The following RXRA variants were observed in gnomAD, a reference collection of about 807,000 sequenced individuals.
RXRA encodes the protein retinoid X receptor alpha, also known as retinoic acid receptor RXR-alpha.
RXRA carries 5 observed loss-of-function variants against 44.5 expected under a neutral mutation model. That is an observed-to-expected ratio of 0.11 (90% confidence interval 0.06 to 0.24). The LOEUF is 0.24. Ranked by LOEUF, RXRA falls within the 10% of genes least tolerant of loss-of-function variation. The pLI, the probability that RXRA is intolerant of heterozygous loss-of-function variation, is 1.00. For missense variants in RXRA, 412 were observed against 646.5 expected (o/e 0.64, Z 3.93); for synonymous variants, 291 against 271.4 (o/e 1.07, Z -0.71).
chr9:134,422,014 A>G (rs969594962), intron 6 of RXRA: 52 of 1,421,320 alleles, frequency 3.7e-5, no homozygotes, highest in Non-Finnish European at 4.7e-5. Flanking sequence ...TTCCCGGAAC[A>G]CACTCCCCCC....
chr9:134,346,624 G>A (rs1466024229), intron 1 of RXRA, among the ~76,000 whole-genome samples: 3 of 152,248 alleles, frequency 2.0e-5, no homozygotes, highest in Non-Finnish European at 4.4e-5. Context: ...GCACTGCCCA[G>A]CTTCACATTA....
intron 1 of RXRA, among the ~76,000 whole-genome samples, chr9:134,337,704 G>A (rs143575522): frequency 7.9e-5 from 12 of 152,230 alleles, no homozygotes; most frequent in Non-Finnish European, 1.0e-4. Context: ...CCAATGTCTC[G>A]TCCTCACACC....
intron 1 of RXRA, among the ~76,000 whole-genome samples, chr9:134,375,973 C>G (rs567660727): frequency 1.3e-3 from 195 of 149,998 alleles, no homozygotes; most frequent in Non-Finnish European, 1.9e-3. Flanking sequence ...TGCTTCCCCC[C>G]CACCCCACCC....
intron 1 of RXRA, among the ~76,000 whole-genome samples, chr9:134,384,103 C>T (rs575215751): frequency 6.4e-4 from 97 of 151,930 alleles, no homozygotes; most frequent in African/African-American, 2.1e-3. Context: ...GGACTCTCCA[C>T]ACTGTCACCC....
chr9:134,351,760 TG>T (rs1241771600), intron 1 of RXRA, among the ~76,000 whole-genome samples: 5 of 152,254 alleles, frequency 3.3e-5, no homozygotes, highest in African/African-American at 1.2e-4. Context: ...GCTGCGAACT[TG>T]TTTTTAACCA....
intron 4 of RXRA, among the ~76,000 whole-genome samples, chr9:134,412,326 C>T (rs551796097): frequency 7.9e-5 from 12 of 152,234 alleles, no homozygotes; most frequent in African/African-American, 1.7e-4. Context: ...TCCCTCGGCC[C>T]GGTTTGTGAT....
chr9:134,334,792 G>A (rs1240151589), intron 1 of RXRA, among the ~76,000 whole-genome samples: 1 of 152,262 alleles, frequency 6.6e-6, no homozygotes, highest in Admixed American at 6.5e-5. Flanking sequence ...CCCCAGCTGA[G>A]GGGACAGGAC....
chr9:134,367,861 C>T (rs997238578), intron 1 of RXRA, among the ~76,000 whole-genome samples: 6 of 152,330 alleles, frequency 3.9e-5, no homozygotes, highest in African/African-American at 7.2e-5. Context: ...TCCTGGGCCC[C>T]GGCTCAGCCA....
intron 1 of RXRA, among the ~76,000 whole-genome samples, chr9:134,345,409 C>T (rs1480519829): frequency 6.6e-6 from 1 of 152,214 alleles, no homozygotes. Context: ...CATTGCACTT[C>T]AGGCCCTACC....
rs1020655208 is a variant in RXRA at position 134,417,635 on chromosome 9, G to T, written c.780+308G>T. ...GGCCACCTCTGCTGGGGCCTCAGCC[G>T]CCGTGTCCCCTCGGAGTTTGGCCTG... is the stretch of plus-strand genomic sequence containing the variant. On this transcript the variant is annotated intron_variant, in intron 5 of 9. Coordinates refer to ENST00000481739, the MANE Select transcript of RXRA (RefSeq NM_002957.6). The surrounding 1 kb of genome is among the most constrained non-coding windows in gnomAD (Gnocchi z 6.1). Among the ~76,000 whole-genome samples, 1 of 152,054 alleles carries T rather than the reference G, an allele frequency of 6.6e-6. No individual in the cohort carries two copies. Among genetic ancestry groups the T allele is most frequent in the East Asian group, 1.9e-4 (1 of 5,164 alleles).
chr9:134,385,644 G>C (rs928681421), intron 1 of RXRA, among the ~76,000 whole-genome samples: 5 of 152,226 alleles, frequency 3.3e-5, no homozygotes, highest in African/African-American at 4.8e-5. Flanking sequence ...TGCGCGAGCG[G>C]TGGTGGCCCC....
chr9:134,397,867 C>A (rs562148900), intron 1 of RXRA, among the ~76,000 whole-genome samples: 2 of 152,222 alleles, frequency 1.3e-5, no homozygotes, highest in African/African-American at 4.8e-5. Context: ...CGGGTTGGGT[C>A]TGAGTGTCTG....
chr9:134,379,694 G>A (rs1162084512), intron 1 of RXRA: 20 of 985,426 alleles, frequency 2.0e-5, no homozygotes, highest in Non-Finnish European at 2.4e-5. Flanking sequence ...CCAGTATGCG[G>A]ATGAGAAAAC....
At chr9:134,427,669 C>T (rs994259610) in intron 6 of RXRA, among the ~76,000 whole-genome samples, 1 of 152,142 alleles carries the variant, frequency 6.6e-6, no homozygotes, top group Non-Finnish European at 1.5e-5. Flanking sequence ...CACCTGCCCC[C>T]GGGTTCCCCA....
chr9:134,390,408 C>T (rs866776171), intron 1 of RXRA, among the ~76,000 whole-genome samples: 1 of 152,226 alleles, frequency 6.6e-6, no homozygotes, highest in Non-Finnish European at 1.5e-5. Flanking sequence ...AGTCCAAAGC[C>T]CCCAGTCTGG....
At chr9:134,424,730 T>C (rs1831405174) in intron 6 of RXRA, 1 of 985,370 alleles carries the variant, frequency 1.0e-6, no homozygotes, top group South Asian at 4.7e-5. Flanking sequence ...GGAGAGGACC[T>C]GGGTTAACTC....
At chr9:134,398,031 G>T (rs1830905002) in intron 1 of RXRA, among the ~76,000 whole-genome samples, 1 of 152,058 alleles carries the variant, frequency 6.6e-6, no homozygotes, top group African/African-American at 2.4e-5. Context: ...CCAGGCTGGA[G>T]TGCGATGGCG....
At chr9:134,432,060 T>G (rs1831541070) in intron 8 of RXRA, 64 bp downstream of exon 8, 10 of 1,289,216 alleles carry the variant, frequency 7.8e-6, no homozygotes, top group Non-Finnish European at 4.5e-6. Context: ...TGCCTGGGCC[T>G]CCTCCTGGCT....
At chr9:134,341,747 A>G (rs988335599) in intron 1 of RXRA, among the ~76,000 whole-genome samples, 2 of 152,248 alleles carry the variant, frequency 1.3e-5, no homozygotes, top group East Asian at 3.9e-4. Flanking sequence ...TGGGGCATGC[A>G]TGGTGGCAGG....
Sources: gnomAD v4.1 joint callset for allele counts (sites outside exome capture counted in the v4.1 genomes callset) on GRCh38, gnomAD v4.1.1 for gene constraint, Gnocchi (gnomAD v3.1) non-coding constraint, MANE v1.5 for transcripts, NCBI Gene and HGNC (gene_info 2026-07-23, HGNC 2026-07-21) for gene names.